The following C6 variants were observed in gnomAD, a reference collection of about 807,000 sequenced individuals.
The protein encoded by C6 is complement component C6.
Under a neutral mutation model 112.9 loss-of-function variants are expected in C6, and 101 were observed. The ratio of observed to expected loss-of-function variants is 0.89; its 90% CI spans 0.76 to 1.06. The LOEUF (loss-of-function observed/expected upper bound fraction) is 1.06, where lower values mean the gene tolerates loss of function less well. Ranked by LOEUF, C6 falls within the 50% of genes least tolerant of loss-of-function variation. The pLI, the probability that C6 is intolerant of heterozygous loss-of-function variation, is 0.00. For missense variants in C6, 1,202 were observed against 1,104.6 expected (o/e 1.09, Z -1.25); for synonymous variants, 431 against 384.1 (o/e 1.12, Z -1.43).
intron 1 of C6, among the ~76,000 whole-genome samples, chr5:41,248,593 C>T (rs995300196): frequency 6.6e-6 from 1 of 152,174 alleles, no homozygotes; most frequent in Non-Finnish European, 1.5e-5. Context: ...CACTAATGAT[C>T]AGACAAATGC....
chr5:41,161,546 A>G (rs768070361), intron 10 of C6, 147 bp downstream of exon 10: 1 of 705,986 alleles, frequency 1.4e-6, no homozygotes, highest in Non-Finnish European at 2.5e-6. Context: ...TTTAACATTT[A>G]AAAAAAGGTA....
At chr5:41,188,477 A>G (rs1749957043) in intron 5 of C6, among the ~76,000 whole-genome samples, 1 of 152,082 alleles carries the variant, frequency 6.6e-6, no homozygotes, top group Non-Finnish European at 1.5e-5. Flanking sequence ...CCATACATCT[A>G]TGGTCAATTG....
intron 1 of C6, among the ~76,000 whole-genome samples, chr5:41,250,440 G>C (rs901320704): frequency 1.4e-4 from 21 of 152,026 alleles, no homozygotes; most frequent in African/African-American, 4.3e-4. Context: ...TTTGTACCCA[G>C]TTATATTTTA....
At chr5:41,247,710 T>G (rs1580254812) in intron 1 of C6, among the ~76,000 whole-genome samples, 1 of 133,996 alleles carries the variant, frequency 7.5e-6, no homozygotes, top group Non-Finnish European at 1.5e-5. Flanking sequence ...AGAGTGAGAC[T>G]CCATCTCAGA....
At chr5:41,240,600 G>A (rs1740642657) in intron 1 of C6, among the ~76,000 whole-genome samples, 1 of 152,200 alleles carries the variant, frequency 6.6e-6, no homozygotes, top group Admixed American at 6.5e-5. Flanking sequence ...GTGGCAGCAG[G>A]CTGGGCTGAC....
At chr5:41,225,898 T>C (rs1739464798) in intron 1 of C6, among the ~76,000 whole-genome samples, 1 of 152,210 alleles carries the variant, frequency 6.6e-6, no homozygotes, top group African/African-American at 2.4e-5. Flanking sequence ...TGACTAGCCA[T>C]ATGTAGAAAG....
At chr5:41,235,326 G>GA (rs1382195387) in intron 1 of C6, among the ~76,000 whole-genome samples, 1 of 143,722 alleles carries the variant, frequency 7.0e-6, no homozygotes, top group African/African-American at 2.6e-5. Flanking sequence ...AATATGCGGT[G>GA]TTTGGTTTTT....
At chr5:41,168,725 G>A (rs965947483) in intron 9 of C6, among the ~76,000 whole-genome samples, 1 of 152,050 alleles carries the variant, frequency 6.6e-6, no homozygotes, top group South Asian at 2.1e-4. Flanking sequence ...GGACTAAATG[G>A]CTGGCATCAT....
chr5:41,171,076 C>A (rs1234601973), intron 9 of C6, among the ~76,000 whole-genome samples: 1 of 152,078 alleles, frequency 6.6e-6, no homozygotes. Context: ...GCAGGAAGAC[C>A]ACTTAGGGGG....
chr5:41,195,861 C>T lies in C6; in HGVS notation c.518G>A (p.Cys173Tyr). 1 of 1,614,008 alleles carries T rather than the reference C, an allele frequency of 6.2e-7. No homozygotes were observed. The highest frequency in any genetic ancestry group is 8.5e-7 in the Non-Finnish European group (1 of 1,179,916). The change falls in exon 5 of 18, where the codon TGT becomes TAT. Residue 173 changes from cysteine (C) to tyrosine (Y), a missense_variant. Coordinates refer to ENST00000337836, the MANE Select transcript of C6 (RefSeq NM_000065.5). ...TGTGCATACTGCCTTTGTCCTCCCA[C>T]AGTCCCTTTCATCTGAATTGTCTCC... ...DCGDNSDERD[C>Y]GRTKAVCTRK...
intron 1 of C6, among the ~76,000 whole-genome samples, chr5:41,253,608 T>C (rs1741499331): frequency 1.3e-5 from 2 of 152,320 alleles, no homozygotes; most frequent in South Asian, 4.1e-4. Context: ...GAATCACTGC[T>C]CTATAGAGTG....
intron 1 of C6, among the ~76,000 whole-genome samples, chr5:41,242,814 TA>T (rs1474059165): frequency 6.6e-6 from 1 of 151,736 alleles, no homozygotes; most frequent in Non-Finnish European, 1.5e-5. Context: ...TATTGATCCT[TA>T]AAAAAGAAGG....
chr5:41,216,654 T>A (rs1271450745), upstream of C6, among the ~76,000 whole-genome samples: 1 of 152,194 alleles, frequency 6.6e-6, no homozygotes, highest in Non-Finnish European at 1.5e-5. Context: ...CTTTTATCTT[T>A]GAAGTATCTC....
chr5:41,214,698 T>C (rs138664435), upstream of C6, among the ~76,000 whole-genome samples: 14 of 152,314 alleles, frequency 9.2e-5, no homozygotes, highest in Admixed American at 2.6e-4. Context: ...TTAATTTGCA[T>C]ATTTCTTTCT....
chr5:41,167,382 C>T (rs1748072684), intron 9 of C6, among the ~76,000 whole-genome samples: 1 of 152,066 alleles, frequency 6.6e-6, no homozygotes, highest in South Asian at 2.1e-4. Context: ...AAAATGTATA[C>T]AACAGCCATT....
intron 9 of C6, among the ~76,000 whole-genome samples, chr5:41,168,639 CT>C (rs148936156): frequency 5.3e-5 from 8 of 152,148 alleles, no homozygotes; most frequent in East Asian, 1.9e-4. Flanking sequence ...AAAGGGCACC[CT>C]TTTTTTCAGT....
At chr5:41,178,765 C>T (rs1020961247) in intron 7 of C6, among the ~76,000 whole-genome samples, 27 of 152,034 alleles carry the variant, frequency 1.8e-4, no homozygotes, top group African/African-American at 4.3e-4. Context: ...CATGAGCCAC[C>T]GCGCCCAGCC....
intron 1 of C6, chr5:41,212,836 T>G (rs1374657710): frequency 6.6e-6 from 1 of 152,234 alleles, no homozygotes; most frequent in Non-Finnish European, 1.5e-5. Flanking sequence ...AAGCCCATCT[T>G]ATTCTAACCT....
At chr5:41,196,128 C>G (rs10473238) in intron 4 of C6, among the ~76,000 whole-genome samples, 195 bp from the exon 5 acceptor site, 1 of 151,960 alleles carries the variant, frequency 6.6e-6, no homozygotes, top group Non-Finnish European at 1.5e-5. Context: ...TTATAAGGGT[C>G]ACCACAGAAT....
Sources: gnomAD v4.1 joint callset for allele counts (sites outside exome capture counted in the v4.1 genomes callset) on GRCh38, gnomAD v4.1.1 for gene constraint, MANE v1.5 for transcripts, NCBI Gene and HGNC (gene_info 2026-07-23, HGNC 2026-07-21) for gene names.